The following GSE1 variants were observed in gnomAD, a reference collection of about 807,000 sequenced individuals.
The protein encoded by GSE1 is genetic suppressor element 1.
A neutral mutation model predicts 112.6 loss-of-function variants in GSE1; 32 were observed. That is an observed-to-expected ratio of 0.28 (90% CI 0.21 to 0.38). The LOEUF is 0.38. GSE1 is among the 10% of genes least tolerant of loss of function. GSE1 has a pLI of 1.00. For missense variants in GSE1, 2,348 were observed against 1,699.2 expected, an observed-to-expected ratio of 1.38 and a Z score of -6.71; for synonymous variants, 1,115 against 735.6, an observed-to-expected ratio of 1.52 and a Z score of -8.35.
chr16:85,673,286 T>C lies in GSE1; in HGVS notation c.*747T>C, dbSNP rs922202574. 6.6e-6 allele frequency: 1 copy of C among 152,568 alleles called. No individual in the cohort carries two copies. Among genetic ancestry groups the C allele is most frequent in the African/African-American group, 2.4e-5 (1 of 41,428 alleles). The allele number at this position is 152,568 out of a possible 1,614,324, so 9.5% of individuals were successfully genotyped here. ...GGTTGGGTTTTCATACAGACGTAAA[T>C]TTTGAGAGAAAAGTCAAAGGTGCTT... On this transcript the variant is annotated 3_prime_UTR_variant, in exon 16 of 16. Coordinates refer to ENST00000253458, the MANE Select transcript of GSE1 (RefSeq NM_014615.5).
At chr16:85,590,224 T>G (rs1483645604) in intron 1 of GSE1, among the ~76,000 whole-genome samples, 1 of 151,934 alleles carries the variant, frequency 6.6e-6, no homozygotes, top group African/African-American at 2.4e-5. Context: ...ATGTGTGACC[T>G]TGTGTGCGTG....
intron 1 of GSE1, among the ~76,000 whole-genome samples, chr16:85,325,056 C>T (rs2046196940): frequency 6.6e-6 from 1 of 152,274 alleles, no homozygotes; most frequent in South Asian, 2.1e-4. Flanking sequence ...CAACCTCGAC[C>T]TCCTGGACTC....
At chr16:85,392,916 G>T (rs546487176) in intron 2 of GSE1, among the ~76,000 whole-genome samples, 1 of 152,212 alleles carries the variant, frequency 6.6e-6, no homozygotes, top group Admixed American at 6.5e-5. Context: ...CAGAGTGCAT[G>T]CCTCTGAGCA....
At position 85,547,690 on chromosome 16, in the gene GSE1, G is replaced by A. The variant is rs145158003; in HGVS notation, c.2465-86224G>A. On this transcript the variant is annotated intron_variant, in intron 2 of 2. Coordinates refer to the GSE1 transcript ENST00000637419. The stretch of plus-strand genomic sequence containing the variant: ...GAAGTCAGGAGTTCGAGACCAGCCT[G>A]GGCAACATGGTGAAACCCTGTCTCT... Among the ~76,000 whole-genome samples, 764 of 151,822 alleles carry A rather than the reference G, an allele frequency of 5.0e-3. 6 individuals are homozygous for A. The highest frequency in any genetic ancestry group is 0.016 in the African/African-American group (674 of 41,376).
intron 2 of GSE1, among the ~76,000 whole-genome samples, chr16:85,414,012 A>G (rs1031771467): frequency 3.9e-5 from 6 of 152,160 alleles, no homozygotes; most frequent in African/African-American, 4.8e-5. Flanking sequence ...TAAGTTCCTG[A>G]GGCCTCCCCA....
chr16:85,423,780 C>G (rs538074947), intron 2 of GSE1, among the ~76,000 whole-genome samples: 2 of 152,360 alleles, frequency 1.3e-5, no homozygotes, highest in African/African-American at 4.8e-5. Context: ...CCACCCACCG[C>G]TGCACTTGCT....
At chr16:85,669,964 A>G (rs2053195960) in intron 14 of GSE1, among the ~76,000 whole-genome samples, 19 of 152,108 alleles carry the variant, frequency 1.2e-4, no homozygotes, top group Admixed American at 1.2e-3. Flanking sequence ...GCTTTCCCCC[A>G]AGGACTTTTC....
At chr16:85,292,154 T>C (rs2045235925) in intron 1 of GSE1, among the ~76,000 whole-genome samples, 1 of 151,856 alleles carries the variant, frequency 6.6e-6, no homozygotes, top group African/African-American at 2.4e-5. Flanking sequence ...TTTTTTTTTT[T>C]TTTTGAGGCA....
rs1187866261 is a variant in GSE1 at position 85,373,424 on chromosome 16, G to A, written c.2464+15781G>A. On this transcript the variant is annotated intron_variant, in intron 2 of 2. Coordinates refer to the GSE1 transcript ENST00000637419. This position sits in a 1 kb window ranked among gnomAD's most constrained non-coding sequence, Gnocchi z 5.1. Reference sequence around the variant, plus strand: ...TGGAAAGAAAGCAAGGGAGGGAAGAGCAGAGGAGGGGAGGGGACGAGAACC... The same window carrying A: ...TGGAAAGAAAGCAAGGGAGGGAAGAACAGAGGAGGGGAGGGGACGAGAACC... Among the ~76,000 whole-genome samples, 1 of 152,174 alleles carries A rather than the reference G, an allele frequency of 6.6e-6. No homozygotes were observed. Among genetic ancestry groups the A allele is most frequent in the Non-Finnish European group, 1.5e-5 (1 of 68,024 alleles).
chr16:85,371,412 G>A (rs1329991054), intron 2 of GSE1, among the ~76,000 whole-genome samples: 2 of 152,224 alleles, frequency 1.3e-5, no homozygotes, highest in African/African-American at 4.8e-5. Context: ...GACTCGGTGA[G>A]GGTGTGCGTC....
intron 1 of GSE1, among the ~76,000 whole-genome samples, chr16:85,196,605 G>A (rs975403892): frequency 4.6e-5 from 7 of 152,116 alleles, no homozygotes; most frequent in African/African-American, 1.4e-4. Context: ...GGTAAGCATT[G>A]TTTCTCGATG....
chr16:85,634,347 C>T (rs2049808756), intron 2 of GSE1, among the ~76,000 whole-genome samples: 2 of 152,240 alleles, frequency 1.3e-5, no homozygotes, highest in African/African-American at 4.8e-5. Context: ...GTCTCTCCTG[C>T]CTCTGTCCTT....
At chr16:85,627,044 C>CTTT (rs564272210) in intron 1 of GSE1, among the ~76,000 whole-genome samples, 353 of 25,062 alleles carry the variant, frequency 0.014, 55 homozygotes, top group East Asian at 0.058. Flanking sequence ...TTCTTCTTGC[C>CTTT]TTTTTTTTTT....
At chr16:85,345,307 C>A (rs2046711714) in intron 1 of GSE1, among the ~76,000 whole-genome samples, 1 of 152,178 alleles carries the variant, frequency 6.6e-6, no homozygotes. Context: ...TTGGAACAGC[C>A]ACACATGTTC....
chr16:85,663,122 C>G (rs543219391), intron 10 of GSE1, 29 bp downstream of exon 10: 1 of 1,471,358 alleles, frequency 6.8e-7, no homozygotes, highest in East Asian at 2.3e-5. Flanking sequence ...CACGGACATG[C>G]TCTGGGCTGG....
chr16:85,333,353 C>A, intron 1 of GSE1, among the ~76,000 whole-genome samples: 1 of 152,194 alleles, frequency 6.6e-6, no homozygotes. Flanking sequence ...GCCCCAGAGG[C>A]CAGTATGATG....
chr16:85,543,030 A>G (rs530700344), intron 2 of GSE1, among the ~76,000 whole-genome samples: 27 of 152,298 alleles, frequency 1.8e-4, no homozygotes, highest in African/African-American at 6.5e-4. Flanking sequence ...GTTCAAGACC[A>G]GCCTGACCAA....
chr16:85,204,762 A>T (rs2075086417), intron 1 of GSE1, among the ~76,000 whole-genome samples: 1 of 152,224 alleles, frequency 6.6e-6, no homozygotes, highest in Non-Finnish European at 1.5e-5. Context: ...CTGAGCTCAC[A>T]GGGTGGGGCT....
intron 2 of GSE1, among the ~76,000 whole-genome samples, chr16:85,472,093 G>A (rs185890480): frequency 6.6e-6 from 1 of 152,314 alleles, no homozygotes; most frequent in African/African-American, 2.4e-5. Context: ...GTGACAACCA[G>A]ACACCTGCCC....
Sources: allele counts gnomAD v4.1 joint callset (sites outside exome capture counted in the v4.1 genomes callset), GRCh38; gene constraint gnomAD v4.1.1; non-coding constraint Gnocchi (gnomAD v3.1); transcripts MANE v1.5; gene names NCBI Gene and HGNC (gene_info 2026-07-23, HGNC 2026-07-21).